SLC35F4: variants seen among roughly 807,000 people sequenced by gnomAD.
The protein encoded by SLC35F4 is chromosome 14 open reading frame 36.
A neutral mutation model predicts 44.2 loss-of-function variants in SLC35F4; 24 were observed. The observed-to-expected ratio is 0.54, with a 90% CI of 0.39 to 0.76. SLC35F4 has a LOEUF of 0.76. Ranked by LOEUF, SLC35F4 falls within the 30% of genes least tolerant of loss-of-function variation. The pLI, the probability that SLC35F4 is intolerant of heterozygous loss-of-function variation, is 0.00. For synonymous variants in SLC35F4, 238 were observed against 223.6 expected, an observed-to-expected ratio of 1.06 and a Z score of -0.57; for missense variants, 562 against 586.1, an observed-to-expected ratio of 0.96 and a Z score of 0.42.
intron 1 of SLC35F4, among the ~76,000 whole-genome samples, chr14:57,706,494 C>T (rs1225198449): frequency 6.6e-6 from 1 of 152,096 alleles, no homozygotes; most frequent in Non-Finnish European, 1.5e-5. Context: ...TGGTTTCTAC[C>T]TTCAAGGATC....
chr14:57,808,676 C>A (rs986091642), intron 1 of SLC35F4, among the ~76,000 whole-genome samples: 2 of 149,308 alleles, frequency 1.3e-5, no homozygotes, highest in African/African-American at 5.2e-5. Flanking sequence ...TGTGGTGGTG[C>A]AAAACTGCGG....
chr14:57,743,608 A>G (rs910901694), intron 1 of SLC35F4, among the ~76,000 whole-genome samples: 1 of 152,226 alleles, frequency 6.6e-6, no homozygotes, highest in Non-Finnish European at 1.5e-5. Context: ...GAAAAACTCC[A>G]GGACCAGACG....
At chr14:57,818,734 G>A (rs570250598) in intron 1 of SLC35F4, among the ~76,000 whole-genome samples, 1 of 152,294 alleles carries the variant, frequency 6.6e-6, no homozygotes, top group East Asian at 1.9e-4. Flanking sequence ...TAAACACAAT[G>A]TAAGCATGAA....
At chr14:57,700,381 G>C (rs35008957) in intron 1 of SLC35F4, among the ~76,000 whole-genome samples, 35,676 of 139,390 alleles carry the variant, frequency 0.26, 4,160 homozygotes, top group South Asian at 0.33. Flanking sequence ...AATTGCTCTA[G>C]GTCAGTGAGC....
At chr14:57,655,106 G>T (rs945309996) in intron 1 of SLC35F4, among the ~76,000 whole-genome samples, 1 of 151,992 alleles carries the variant, frequency 6.6e-6, no homozygotes, top group Non-Finnish European at 1.5e-5. Flanking sequence ...TATCTGAAGG[G>T]TTGAGCTGGT....
chr14:57,981,455 G>C (rs1881380233), intron 1 of SLC35F4, among the ~76,000 whole-genome samples: 1 of 152,134 alleles, frequency 6.6e-6, no homozygotes, highest in African/African-American at 2.4e-5. Flanking sequence ...GTGAGGCTGG[G>C]AAAAAGGCTG....
intron 1 of SLC35F4, among the ~76,000 whole-genome samples, chr14:57,963,250 C>T (rs1307559267): frequency 6.6e-6 from 1 of 152,190 alleles, no homozygotes; most frequent in Non-Finnish European, 1.5e-5. Context: ...GGGAGCCAGT[C>T]CAGCCTCCAG....
chr14:57,673,670 T>C (rs1452049227), intron 1 of SLC35F4, among the ~76,000 whole-genome samples: 1 of 151,696 alleles, frequency 6.6e-6, no homozygotes, highest in Non-Finnish European at 1.5e-5. Context: ...TCAAGAGGGA[T>C]GAATGCAGGT....
At chr14:57,735,238 A>C (rs1407531663) in intron 1 of SLC35F4, among the ~76,000 whole-genome samples, 2 of 152,226 alleles carry the variant, frequency 1.3e-5, no homozygotes, top group African/African-American at 2.4e-5. Flanking sequence ...ACAGCACCAA[A>C]GTAAAGCTAA....
At chr14:57,810,917 A>C (rs1389590443) in intron 1 of SLC35F4, among the ~76,000 whole-genome samples, 1 of 152,238 alleles carries the variant, frequency 6.6e-6, no homozygotes, top group African/African-American at 2.4e-5. Flanking sequence ...GCATAGTATT[A>C]GGCAATTCTA....
rs1166609349 is a variant in SLC35F4, at chr14:57,865,845, C to G, written c.-20G>C. The G allele has an allele frequency of 1.3e-6, 2 of 1,483,596 alleles. No individual in the cohort carries two copies. The highest frequency in any genetic ancestry group is 1.8e-6 in the Non-Finnish European group (2 of 1,118,288). The allele number at this position is 1,483,596 out of a possible 1,614,324, so 91.9% of individuals were successfully genotyped here. A position where few individuals can be genotyped will look rare whatever the true frequency, so the allele number is the denominator to read the frequency against. ...ATCCATAGAGAGCGCGGGGCGACGGCCCCGAGTGCGGCGGGGCGGAGAGCG... is the reference window on the plus strand; with the variant it reads ...ATCCATAGAGAGCGCGGGGCGACGGGCCCGAGTGCGGCGGGGCGGAGAGCG... On this transcript the variant is annotated 5_prime_UTR_variant, in exon 1 of 8. Coordinates refer to ENST00000556826, the MANE Select transcript of SLC35F4 (RefSeq NM_001306087.2).
chr14:57,615,054 T>A (rs2071730130), intron 1 of SLC35F4, among the ~76,000 whole-genome samples: 1 of 152,228 alleles, frequency 6.6e-6, no homozygotes. Context: ...CAGTCTAAAC[T>A]TTTAAAATTT....
At chr14:57,745,464 C>T (rs1467699409) in intron 1 of SLC35F4, among the ~76,000 whole-genome samples, 1 of 152,180 alleles carries the variant, frequency 6.6e-6, no homozygotes, top group African/African-American at 2.4e-5. Flanking sequence ...ATTTATGCAG[C>T]CAACAGACAC....
intron 1 of SLC35F4, among the ~76,000 whole-genome samples, chr14:57,898,364 G>A (rs1172332248): frequency 6.6e-6 from 1 of 152,178 alleles, no homozygotes; most frequent in Non-Finnish European, 1.5e-5. Context: ...ATACAATTAG[G>A]TTTAGGACAT....
chr14:57,751,454 G>A (rs1254398158), intron 1 of SLC35F4, among the ~76,000 whole-genome samples: 1 of 152,092 alleles, frequency 6.6e-6, no homozygotes, highest in Non-Finnish European at 1.5e-5. Context: ...TTTTGTTACT[G>A]TTATCCACAA....
chr14:57,565,888 A>G (rs192280518), intron 7 of SLC35F4, among the ~76,000 whole-genome samples: 128 of 152,368 alleles, frequency 8.4e-4, no homozygotes, highest in African/African-American at 3.1e-3. Flanking sequence ...ATAAAATTTT[A>G]AAGTTAAAAG....
intron 1 of SLC35F4, among the ~76,000 whole-genome samples, chr14:57,718,399 T>C (rs1323329026): frequency 6.6e-6 from 1 of 152,232 alleles, no homozygotes. Context: ...GCTCTAATTC[T>C]AGTTTTTTGA....
chr14:57,747,231 G>A (rs2076779022), intron 1 of SLC35F4, among the ~76,000 whole-genome samples: 2 of 152,140 alleles, frequency 1.3e-5, no homozygotes, highest in South Asian at 4.1e-4. Context: ...ATAAAGTTGA[G>A]AGCCTTAGAG....
At chr14:57,600,295 A>G (rs1023361101) in intron 1 of SLC35F4, among the ~76,000 whole-genome samples, 1 of 152,240 alleles carries the variant, frequency 6.6e-6, no homozygotes, top group Non-Finnish European at 1.5e-5. Context: ...TATAATCACT[A>G]AAGAAATGCT....
Sources: gnomAD v4.1 joint callset for allele counts (sites outside exome capture counted in the v4.1 genomes callset) on GRCh38, gnomAD v4.1.1 for gene constraint, MANE v1.5 for transcripts, NCBI Gene and HGNC (gene_info 2026-07-23, HGNC 2026-07-21) for gene names.